Variants in OTUD4 observed in about 807,000 individuals in gnomAD.
OTUD4 encodes OTU domain-containing protein 4.
A neutral mutation model predicts 130.4 loss-of-function variants in OTUD4; 24 were observed. The observed-to-expected ratio is 0.18, with a 90% CI of 0.13 to 0.26. OTUD4 has a LOEUF of 0.26. Among genes scored for constraint, OTUD4 ranks in the 10% least tolerant of loss-of-function variants. The probability of loss-of-function intolerance (pLI) is 1.00; values close to 1 mark genes in which losing one functional copy is unlikely to be tolerated. For synonymous variants in OTUD4, 420 were observed against 472.5 expected (o/e 0.89, Z 1.44); for missense variants, 1,031 against 1,329.4 (o/e 0.78, Z 3.49).
chr4:145,157,616 G>GGAGGTTGCAGTGAGCC (rs1274620180), intron 7 of OTUD4, among the ~76,000 whole-genome samples: 1 of 150,600 alleles, frequency 6.6e-6, no homozygotes, highest in Non-Finnish European at 1.5e-5. Flanking sequence ...CCCGCGAGGC[G>GGAGGTTGCAGTGAGCC]GAGGTTGCAG....
intron 1 of OTUD4, 25 bp downstream of exon 1, chr4:145,179,790 G>GCCCCCCCCCCCCCCCCCCCAA: frequency 1.4e-6 from 1 of 703,092 alleles, no homozygotes; most frequent in Non-Finnish European, 1.9e-6. Flanking sequence ...TCCCCTCGAA[G>GCCCCCCCCCCCCCCCCCCCAA]CCCTCCCCGC....
rs1750299216 is a variant in OTUD4, at chr4:145,136,884, T to C, written c.*546A>G. The C allele has an allele frequency of 6.6e-6, 1 of 152,660 alleles. No individual in the cohort carries two copies. The allele number at this position is 152,660 out of a possible 1,614,324, so 9.5% of individuals were successfully genotyped here. ...TGACAGATATTGAGATGAAAGGCCT[T>C]TGGGTTGGAAGCATTTTAAAAGACA... On this transcript the variant is annotated 3_prime_UTR_variant, in exon 21 of 21. Coordinates refer to ENST00000447906, the MANE Select transcript of OTUD4 (RefSeq NM_001366057.1).
chr4:145,158,664 A>G (rs1751412944), intron 7 of OTUD4, among the ~76,000 whole-genome samples: 1 of 152,200 alleles, frequency 6.6e-6, no homozygotes, highest in African/African-American at 2.4e-5. Context: ...TCATACAACA[A>G]TGTATACTTT....
At chr4:145,141,880 G>C (rs917447098) in intron 18 of OTUD4, among the ~76,000 whole-genome samples, 11 of 152,044 alleles carry the variant, frequency 7.2e-5, no homozygotes, top group Non-Finnish European at 1.6e-4. Context: ...GCTGGTCAAG[G>C]GGTTCATTAC....
Position 145,180,140 on chromosome 4 carries a change from G to T in OTUD4, c.-167C>A. 1 of 286,104 alleles carries T rather than the reference G, an allele frequency of 3.5e-6. No individual in the cohort carries two copies. Among genetic ancestry groups the T allele is most frequent in the South Asian group, 1.3e-4 (1 of 7,850 alleles). The allele number at this position is 286,104 out of a possible 1,614,324, so 17.7% of individuals were successfully genotyped here. ...CCCGAGGCAGCGGTCCGCGCTCTCC[G>T]GGCGCATAGGGAAGCCCTGCCTAAT... On this transcript the variant is annotated 5_prime_UTR_variant, in exon 1 of 21. Coordinates refer to ENST00000447906, the MANE Select transcript of OTUD4 (RefSeq NM_001366057.1).
At chr4:145,149,331 A>G (rs533405089) in intron 13 of OTUD4, among the ~76,000 whole-genome samples, 1 of 152,208 alleles carries the variant, frequency 6.6e-6, no homozygotes, top group African/African-American at 2.4e-5. Context: ...CGGAGACAGC[A>G]TGGCCCTGGC....
chr4:145,156,021 G>C (rs1159348964), intron 7 of OTUD4, 25 bp from the exon 8 acceptor site: 1 of 1,592,968 alleles, frequency 6.3e-7, no homozygotes, highest in East Asian at 2.2e-5. Flanking sequence ...AACCATAATT[G>C]GGGCAGAAAA....
At chr4:145,151,819 C>A (rs563905773) in intron 11 of OTUD4, among the ~76,000 whole-genome samples, 2 of 152,114 alleles carry the variant, frequency 1.3e-5, no homozygotes, top group Non-Finnish European at 2.9e-5. Context: ...TAAAGCCCAG[C>A]GGCAACTGAA....
intron 15 of OTUD4, 110 bp downstream of exon 15, chr4:145,144,201 T>C (rs1451243009): frequency 4.1e-6 from 5 of 1,222,428 alleles, no homozygotes; most frequent in African/African-American, 3.0e-5. Context: ...TATGTGACAT[T>C]AGATAAACTA....
In OTUD4 at chr4:145,134,783, A is replaced by C; in HGVS notation, c.*2647T>G. On this transcript the variant is annotated 3_prime_UTR_variant, in exon 21 of 21. Coordinates refer to ENST00000447906, the MANE Select transcript of OTUD4 (RefSeq NM_001366057.1). ...AAATGAAGAGACATACACAACACCA[A>C]AGGGAAAAGGGGGCTGGAATCAAGT... 3 of 399,004 alleles carry C rather than the reference A, an allele frequency of 7.5e-6. No homozygotes were observed. The highest frequency in any genetic ancestry group is 1.3e-5 in the Non-Finnish European group (3 of 226,026). 24.7% of individuals were successfully genotyped at this position (399,004 alleles called of 1,614,324 possible).
intron 13 of OTUD4, among the ~76,000 whole-genome samples, chr4:145,149,220 A>G (rs911813472): frequency 6.6e-6 from 1 of 152,122 alleles, no homozygotes; most frequent in Non-Finnish European, 1.5e-5. Context: ...TGATGGAAGC[A>G]AAGAATGGAG....
At chr4:145,157,684 C>CAAAA (rs923938636) in intron 7 of OTUD4, among the ~76,000 whole-genome samples, 22 of 44,020 alleles carry the variant, frequency 5.0e-4, no homozygotes, top group African/African-American at 1.0e-3. Flanking sequence ...AACTCCGTCT[C>CAAAA]AAAAAAAAAA....
At chr4:145,151,236 A>C (rs1239191875) in intron 11 of OTUD4, among the ~76,000 whole-genome samples, 6 of 152,234 alleles carry the variant, frequency 3.9e-5, no homozygotes, top group Admixed American at 1.3e-4. Context: ...TCTGTTAGAG[A>C]AACATATAAA....
At chr4:145,165,262 CTAT>C in intron 3 of OTUD4, 65 bp from the exon 4 acceptor site, 2 of 954,852 alleles carry the variant, frequency 2.1e-6, no homozygotes, top group Non-Finnish European at 3.4e-6. Flanking sequence ...CTTTATATTT[CTAT>C]ACATACCTTC....
At chr4:145,149,421 T>C (rs1028683231) in intron 13 of OTUD4, 1 of 152,238 alleles carries the variant, frequency 6.6e-6, no homozygotes, top group Non-Finnish European at 1.5e-5. Context: ...CAGTTTATGG[T>C]ATTTTGTTAC....
chr4:145,173,543 A>G (rs185229319), intron 2 of OTUD4, among the ~76,000 whole-genome samples: 1 of 152,330 alleles, frequency 6.6e-6, no homozygotes, highest in African/African-American at 2.4e-5. Flanking sequence ...AATTAATTTA[A>G]AGACCATTCC....
intron 14 of OTUD4, among the ~76,000 whole-genome samples, chr4:145,145,508 T>G (rs994080839): frequency 3.3e-5 from 5 of 152,174 alleles, no homozygotes; most frequent in Admixed American, 2.0e-4. Context: ...ACTGGTATAC[T>G]GGGTAACCTC....
At position 145,159,558 on chromosome 4, in the gene OTUD4, C is replaced by T. The variant is rs2126778994; in HGVS notation, c.574G>A (p.Glu192Lys). ...SKIVMELDTL[E>K]VADEDNSEIS... ...TCACTGTTATCTTCATCAGCTACTT[C>T]CAACGTGTCTAGTTCCATCACAATT... Residue 192 changes from glutamate (E) to lysine (K), a missense_variant, in exon 7 of 21, where the codon GAA becomes AAA. Around this residue, in one of 3 missense-constraint regions of OTUD4, gnomAD observed 900 missense variants for 1,095.9 expected, o/e 0.82. Coordinates refer to ENST00000447906, the MANE Select transcript of OTUD4 (RefSeq NM_001366057.1). The T allele has an allele frequency of 1.2e-6, 2 of 1,613,396 alleles. No individual in the cohort carries two copies. Among genetic ancestry groups the T allele is most frequent in the Middle Eastern group, 1.7e-4 (1 of 6,050 alleles).
intron 3 of OTUD4, chr4:145,171,310 A>C: frequency 5.9e-6 from 1 of 170,126 alleles, no homozygotes. Context: ...AATGGAGTTA[A>C]ATTCCACCTC....
Sources: gnomAD v4.1 joint callset for allele counts (sites outside exome capture counted in the v4.1 genomes callset) on GRCh38, gnomAD v4.1.1 for gene constraint, gnomAD v4.1.1 regional missense constraint, MANE v1.5 for transcripts, NCBI Gene and HGNC (gene_info 2026-07-23, HGNC 2026-07-21) for gene names.